Variants in KALRN observed in about 807,000 individuals in gnomAD.
The protein encoded by KALRN is kalirin RhoGEF kinase.
A neutral mutation model predicts 353.7 loss-of-function variants in KALRN; 70 were observed. The observed-to-expected ratio is 0.20, with a 90% CI of 0.16 to 0.24. The LOEUF (loss-of-function observed/expected upper bound fraction) is 0.24. Ranked by LOEUF, KALRN falls within the 10% of genes least tolerant of loss-of-function variation. KALRN has a pLI of 1.00. For synonymous variants in KALRN, 1,391 were observed against 1,434.8 expected (o/e 0.97, Z 0.69); for missense variants, 2,791 against 3,756.7 (o/e 0.74, Z 6.72).
At chr3:124,674,286 A>T in intron 48 of KALRN, 78 bp from the exon 49 acceptor site, 1 of 1,479,364 alleles carries the variant, frequency 6.8e-7, no homozygotes, top group Non-Finnish European at 9.1e-7. Flanking sequence ...GCCTTGAACC[A>T]CTGGGTAGGG....
chr3:124,382,978 C>T (rs2087631350), intron 10 of KALRN, among the ~76,000 whole-genome samples: 1 of 152,202 alleles, frequency 6.6e-6, no homozygotes, highest in South Asian at 2.1e-4. Context: ...AAACTACTTT[C>T]CTCATATGAA....
chr3:124,424,160 G>A (rs1393128591), intron 15 of KALRN, among the ~76,000 whole-genome samples: 2 of 152,090 alleles, frequency 1.3e-5, no homozygotes, highest in East Asian at 1.9e-4. Flanking sequence ...GTCCCGGGGG[G>A]GTTCCCAGCA....
chr3:124,357,655 C>T (rs1322025577), intron 10 of KALRN, among the ~76,000 whole-genome samples: 3 of 152,216 alleles, frequency 2.0e-5, no homozygotes, highest in Non-Finnish European at 4.4e-5. Context: ...AGGAAGCCCT[C>T]AGTAGCCTCC....
chr3:124,713,553 C>T (rs1179715613), intron 58 of KALRN, among the ~76,000 whole-genome samples: 2 of 152,078 alleles, frequency 1.3e-5, no homozygotes, highest in Non-Finnish European at 1.5e-5. Flanking sequence ...CATTCTACCA[C>T]CCAAAAAAAT....
At chr3:124,711,192 A>ATT (rs2062869096) in intron 57 of KALRN, among the ~76,000 whole-genome samples, 5 of 151,862 alleles carry the variant, frequency 3.3e-5, no homozygotes, top group Non-Finnish European at 5.9e-5. Context: ...ATTTTTTTAA[A>ATT]AAAAATTTTT....
At chr3:124,666,084 T>C (rs2085573473) in intron 45 of KALRN, among the ~76,000 whole-genome samples, 1 of 152,138 alleles carries the variant, frequency 6.6e-6, no homozygotes, top group Admixed American at 6.5e-5. Context: ...GAAAGGCCAC[T>C]TGCAGCTCCA....
intron 9 of KALRN, among the ~76,000 whole-genome samples, chr3:124,336,298 T>A (rs554364386): frequency 6.6e-6 from 1 of 152,272 alleles, no homozygotes; most frequent in African/African-American, 2.4e-5. Flanking sequence ...ATCAGTTGCC[T>A]ACTCCTGCCA....
chr3:124,270,107 A>G (rs931981592), intron 5 of KALRN, among the ~76,000 whole-genome samples: 1 of 152,236 alleles, frequency 6.6e-6, no homozygotes, highest in Admixed American at 6.5e-5. Context: ...TCTTTAAGCT[A>G]AAGAGAAGAA....
chr3:124,219,033 G>T (rs2077616791), intron 1 of KALRN, among the ~76,000 whole-genome samples: 1 of 152,128 alleles, frequency 6.6e-6, no homozygotes, highest in African/African-American at 2.4e-5. Flanking sequence ...TGAACATGAA[G>T]GTAGAAATAA....
Position 124,439,445 on chromosome 3 carries a change from C to T in KALRN, c.3198+408C>T, listed in dbSNP as rs919912408. On this transcript the variant is annotated intron_variant, in intron 18 of 59. Coordinates refer to ENST00000682506, the MANE Select transcript of KALRN (RefSeq NM_001388419.1). Reference sequence around the variant, plus strand: ...GCAATCTTCAGATATCCCAGTATCCCGTGGATGTTGTTAACTGAGAAAAAG... The same window carrying T: ...GCAATCTTCAGATATCCCAGTATCCTGTGGATGTTGTTAACTGAGAAAAAG... Among the ~76,000 whole-genome samples the T allele has an allele frequency of 6.6e-5, 10 of 152,170 alleles. No individual in the cohort carries two copies. The South Asian group carries it at 1.9e-3, about 28-fold the overall frequency.
chr3:124,521,606 A>G (rs1198496396), intron 33 of KALRN, among the ~76,000 whole-genome samples: 2 of 152,246 alleles, frequency 1.3e-5, no homozygotes, highest in African/African-American at 4.8e-5. Flanking sequence ...TTGATCCATC[A>G]GGACACTATT....
chr3:124,043,574 A>G (rs1316831156), intron 1 of KALRN, among the ~76,000 whole-genome samples: 4 of 152,022 alleles, frequency 2.6e-5, no homozygotes. Context: ...AATGGGCACA[A>G]TGTTCCAGAT....
chr3:124,688,765 CCTCA>C (rs1015846979), intron 51 of KALRN, among the ~76,000 whole-genome samples: 82 of 146,498 alleles, frequency 5.6e-4, no homozygotes, highest in Non-Finnish European at 7.7e-4. Flanking sequence ...AGAATTTCAC[CCTCA>C]CTCTTAAGTC....
chr3:124,626,870 A>C, intron 34 of KALRN, among the ~76,000 whole-genome samples: 1 of 152,350 alleles, frequency 6.6e-6, no homozygotes, highest in Middle Eastern at 3.4e-3. Context: ...TCTGGGTTTA[A>C]GTCTTGCCTT....
intron 51 of KALRN, among the ~76,000 whole-genome samples, chr3:124,680,115 G>A (rs576446176): frequency 3.9e-5 from 6 of 152,354 alleles, no homozygotes; most frequent in South Asian, 2.1e-4. Context: ...TGCTGGGCCC[G>A]TGAGCAGTGG....
At chr3:124,099,187 C>T (rs1485450422) in intron 1 of KALRN, among the ~76,000 whole-genome samples, 1 of 152,182 alleles carries the variant, frequency 6.6e-6, no homozygotes, top group East Asian at 1.9e-4. Context: ...CCCCACTGTG[C>T]TATCAAACCC....
At chr3:124,477,212 A>T (rs774813266) in intron 26 of KALRN, 33 bp from the exon 27 acceptor site, 1 of 1,478,486 alleles carries the variant, frequency 6.8e-7, no homozygotes, top group Admixed American at 1.7e-5. Flanking sequence ...CAACTAATGA[A>T]TGCTTATCTA....
At chr3:124,385,121 A>C in intron 11 of KALRN, 85 bp downstream of exon 11, 1 of 1,243,212 alleles carries the variant, frequency 8.0e-7, no homozygotes, top group South Asian at 1.6e-5. Context: ...AGGTCTGACC[A>C]GGGTCCTGGG....
chr3:124,472,984 A>G (rs907027670), intron 25 of KALRN, among the ~76,000 whole-genome samples: 1 of 152,200 alleles, frequency 6.6e-6, no homozygotes, highest in Admixed American at 6.5e-5. Context: ...GCTTATCGCT[A>G]AAGCAATGCT....
Sources: allele counts gnomAD v4.1 joint callset (sites outside exome capture counted in the v4.1 genomes callset), GRCh38; gene constraint gnomAD v4.1.1; transcripts MANE v1.5; gene names NCBI Gene and HGNC (gene_info 2026-07-23, HGNC 2026-07-21).